The following KIRREL3 variants were observed in gnomAD, a reference collection of about 807,000 sequenced individuals.
The protein encoded by KIRREL3 is kirre like nephrin family adhesion molecule 3, also known as kin of IRRE-like protein 3.
KIRREL3 carries 36 observed loss-of-function variants against 89.7 expected under a neutral mutation model. The observed-to-expected ratio is 0.40, with a 90% CI of 0.31 to 0.53. KIRREL3 has a LOEUF of 0.53. Among genes scored for constraint, KIRREL3 ranks in the 20% least tolerant of loss-of-function variants. The pLI is 0.49. For missense variants in KIRREL3, 864 were observed against 1,056.6 expected, an observed-to-expected ratio of 0.82 and a Z score of 2.53; for synonymous variants, 445 against 441.4, an observed-to-expected ratio of 1.01 and a Z score of -0.10.
chr11:126,957,842 C>T (rs1356440490), intron 1 of KIRREL3, among the ~76,000 whole-genome samples: 1 of 152,244 alleles, frequency 6.6e-6, no homozygotes, highest in Admixed American at 6.5e-5. Flanking sequence ...TTGGTGCCAA[C>T]TTTACCATTC....
chr11:126,476,213 C>T lies in KIRREL3; in HGVS notation c.434-2747G>A, dbSNP rs375105150. The stretch of plus-strand genomic sequence containing the variant: ...CTGCAGAGGTTTTAAAACCTCACTG[C>T]GGGCCACACCCTGAGCAGCCAAGTC... On this transcript the variant is annotated intron_variant, in intron 4 of 16. Coordinates refer to ENST00000525144, the MANE Select transcript of KIRREL3 (RefSeq NM_032531.4). This position sits in a 1 kb window ranked among gnomAD's most constrained non-coding sequence, Gnocchi z 6.4. Among the ~76,000 whole-genome samples, 3 of 152,166 alleles carry T rather than the reference C, an allele frequency of 2.0e-5. No individual in the cohort carries two copies. The highest frequency in any genetic ancestry group is 4.8e-5 in the African/African-American group (2 of 41,436).
intron 1 of KIRREL3, among the ~76,000 whole-genome samples, chr11:126,951,558 G>T (rs1042796761): frequency 6.6e-6 from 1 of 152,172 alleles, no homozygotes; most frequent in Non-Finnish European, 1.5e-5. Context: ...CAGAATAGCA[G>T]ACAATCCTGA....
At chr11:126,435,444 G>A in intron 12 of KIRREL3, 141 bp from the exon 13 acceptor site, 1 of 800,152 alleles carries the variant, frequency 1.2e-6, no homozygotes, top group South Asian at 1.5e-5. Flanking sequence ...ACAGATCCAG[G>A]CTAGCCCAGC....
chr11:126,449,507 A>G (rs942697651), intron 7 of KIRREL3, among the ~76,000 whole-genome samples: 1 of 152,220 alleles, frequency 6.6e-6, no homozygotes, highest in Non-Finnish European at 1.5e-5. Context: ...GTGGGCAGAC[A>G]GCTCGCTGTC....
At chr11:126,718,197 C>T (rs2134163336) in intron 1 of KIRREL3, among the ~76,000 whole-genome samples, 1 of 152,296 alleles carries the variant, frequency 6.6e-6, no homozygotes, top group South Asian at 2.1e-4. Flanking sequence ...CTGCCCTCTG[C>T]CTCAGGCTCA....
In KIRREL3 at chr11:126,766,148, C is replaced by A. The variant is rs1172325823; in HGVS notation, c.56-203236G>T. On this transcript the variant is annotated intron_variant, in intron 1 of 16. Transcript: ENST00000525144. This position sits in a 1 kb window ranked among gnomAD's most constrained non-coding sequence, Gnocchi z 4.2. Reference sequence around the variant, plus strand: ...AATGTTGTGAGTGAGCTAGAACAATCATCTCTTAGGATGCCCACACTAACT... The same window carrying A: ...AATGTTGTGAGTGAGCTAGAACAATAATCTCTTAGGATGCCCACACTAACT... 6.6e-6 allele frequency among the ~76,000 whole-genome samples: 1 copy of A among 151,916 alleles called. No individual in the cohort carries two copies. Among genetic ancestry groups the A allele is most frequent in the Non-Finnish European group, 1.5e-5 (1 of 67,988 alleles).
chr11:126,720,422 A>G (rs139085801), intron 1 of KIRREL3, among the ~76,000 whole-genome samples: 159 of 152,336 alleles, frequency 1.0e-3, no homozygotes, highest in African/African-American at 3.6e-3. Flanking sequence ...CTAAATTCCA[A>G]TGAAATCTCA....
intron 12 of KIRREL3, 77 bp downstream of exon 12, chr11:126,436,734 C>A (rs559248821): frequency 4.0e-6 from 6 of 1,515,744 alleles, no homozygotes; most frequent in Non-Finnish European, 5.5e-6. Context: ...TGCAGCCACC[C>A]GCGCCCTGAC....
Position 126,528,311 on chromosome 11 carries a change from G to T in KIRREL3, c.134-1624C>A, listed in dbSNP as rs1271738176. On this transcript the variant is annotated intron_variant, in intron 2 of 16. Coordinates refer to ENST00000525144, the MANE Select transcript of KIRREL3 (RefSeq NM_032531.4). The surrounding 1 kb of genome is among the most constrained non-coding windows in gnomAD (Gnocchi z 4.6). The stretch of plus-strand genomic sequence containing the variant: ...CCATCTTGGGGACAAAAAGCCCCAG[G>T]CTTGGGCCACACCTAGGACTGAGCT... 2.0e-5 allele frequency among the ~76,000 whole-genome samples: 3 copies of T among 152,232 alleles called. No individual in the cohort carries two copies. Among genetic ancestry groups the T allele is most frequent in the Non-Finnish European group, 4.4e-5 (3 of 68,042 alleles).
chr11:126,959,368 C>T (rs1234219325), intron 1 of KIRREL3, among the ~76,000 whole-genome samples: 1 of 152,236 alleles, frequency 6.6e-6, no homozygotes, highest in Non-Finnish European at 1.5e-5. Flanking sequence ...TGCACACACA[C>T]ATACACACAC....
At chr11:126,481,706 C>T (rs748553130) in intron 4 of KIRREL3, among the ~76,000 whole-genome samples, 7 of 152,218 alleles carry the variant, frequency 4.6e-5, no homozygotes, top group Non-Finnish European at 8.8e-5. Context: ...CTGGATCAGC[C>T]ATCATCCTTT....
chr11:126,975,439 C>T (rs1032087873), intron 1 of KIRREL3, among the ~76,000 whole-genome samples: 3 of 152,202 alleles, frequency 2.0e-5, no homozygotes, highest in Non-Finnish European at 4.4e-5. Context: ...TAAGTATTTG[C>T]TGACCACCTA....
At chr11:126,992,187 C>T (rs1950051935) in intron 1 of KIRREL3, among the ~76,000 whole-genome samples, 1 of 152,142 alleles carries the variant, frequency 6.6e-6, no homozygotes, top group Admixed American at 6.5e-5. Context: ...CACCTACTCC[C>T]TAGGAATGTG....
At chr11:126,591,621 G>A (rs1942136958) in intron 1 of KIRREL3, among the ~76,000 whole-genome samples, 1 of 152,196 alleles carries the variant, frequency 6.6e-6, no homozygotes, top group Non-Finnish European at 1.5e-5. Flanking sequence ...CATCAGGGTG[G>A]TAGTGCTTCT....
At chr11:126,959,550 G>T (rs1338192145) in intron 1 of KIRREL3, among the ~76,000 whole-genome samples, 2 of 152,038 alleles carry the variant, frequency 1.3e-5, no homozygotes, top group Non-Finnish European at 2.9e-5. Context: ...CACTTATGTT[G>T]GAAAATTCCA....
At chr11:126,915,616 C>A (rs78688752) in intron 1 of KIRREL3, among the ~76,000 whole-genome samples, 5,775 of 152,264 alleles carry the variant, frequency 0.038, 174 homozygotes, top group South Asian at 0.11. Flanking sequence ...AAGAGTGGAA[C>A]TGTAGTGTTG....
At chr11:126,839,787 T>A (rs1943902868) in intron 1 of KIRREL3, among the ~76,000 whole-genome samples, 1 of 152,224 alleles carries the variant, frequency 6.6e-6, no homozygotes, top group African/African-American at 2.4e-5. Context: ...ACGCTACTTA[T>A]ACGCTAAAAT....
upstream of KIRREL3, chr11:127,001,301 T>A (rs1950308363): frequency 1.1e-4 from 1 of 9,324 alleles, no homozygotes; most frequent in Non-Finnish European, 1.9e-4. Flanking sequence ...TGTGGGTGGG[T>A]GGGTGGTTGT....
chr11:126,667,741 G>T (rs1051565981), intron 1 of KIRREL3, among the ~76,000 whole-genome samples: 8 of 152,162 alleles, frequency 5.3e-5, no homozygotes, highest in South Asian at 2.1e-4. Flanking sequence ...TTTTTGAGAA[G>T]TGTGTGTGTA....
Sources: allele counts gnomAD v4.1 joint callset (sites outside exome capture counted in the v4.1 genomes callset), GRCh38; gene constraint gnomAD v4.1.1; non-coding constraint Gnocchi (gnomAD v3.1); transcripts MANE v1.5; gene names NCBI Gene and HGNC (gene_info 2026-07-23, HGNC 2026-07-21).